Variants in TACR1 observed in about 807,000 individuals in gnomAD.
TACR1 encodes the protein tachykinin receptor 1.
TACR1 carries 25 observed loss-of-function variants against 35.8 expected under a neutral mutation model. The ratio of observed to expected loss-of-function variants is 0.70; its 90% CI spans 0.51 to 0.98. The LOEUF (loss-of-function observed/expected upper bound fraction) is 0.98, where lower values mean the gene tolerates loss of function less well. Ranked by LOEUF, TACR1 falls within the 50% of genes least tolerant of loss-of-function variation. TACR1 has a pLI of 0.00. For missense variants in TACR1, 478 were observed against 522.9 expected, an observed-to-expected ratio of 0.91 and a Z score of 0.84; for synonymous variants, 195 against 206.7, an observed-to-expected ratio of 0.94 and a Z score of 0.48.
At chr2:75,130,101 G>T (rs916665619) in intron 1 of TACR1, among the ~76,000 whole-genome samples, 4 of 152,184 alleles carry the variant, frequency 2.6e-5, no homozygotes, top group African/African-American at 7.2e-5. Context: ...TGCATTGTTT[G>T]ATATCTTAAT....
At chr2:75,065,303 G>A (rs1672742212) in intron 2 of TACR1, among the ~76,000 whole-genome samples, 1 of 152,156 alleles carries the variant, frequency 6.6e-6, no homozygotes, top group African/African-American at 2.4e-5. Flanking sequence ...AGTATGTGGG[G>A]TGTTTTGTTT....
At chr2:75,050,412 A>G (rs2103777431) in intron 4 of TACR1, among the ~76,000 whole-genome samples, 1 of 152,254 alleles carries the variant, frequency 6.6e-6, no homozygotes, top group Non-Finnish European at 1.5e-5. Flanking sequence ...CAGGCTGAGG[A>G]CTGATGGATA....
At chr2:75,160,725 G>A (rs1471155628) in intron 1 of TACR1, among the ~76,000 whole-genome samples, 1 of 138,888 alleles carries the variant, frequency 7.2e-6, no homozygotes, top group East Asian at 2.0e-4. Context: ...AGGGATTCCT[G>A]GACAGGAGAA....
chr2:75,154,344 C>T (rs558545202), intron 1 of TACR1: 26 of 152,008 alleles, frequency 1.7e-4, no homozygotes, highest in African/African-American at 5.9e-4. Context: ...TTGCTGAAGC[C>T]ACTCACTCCG....
intron 1 of TACR1, among the ~76,000 whole-genome samples, chr2:75,140,320 A>G (rs1674377393): frequency 6.6e-6 from 1 of 152,144 alleles, no homozygotes; most frequent in Non-Finnish European, 1.5e-5. Flanking sequence ...AAGTGGCAGA[A>G]AAGTTTTGTT....
At chr2:75,117,253 G>A (rs1331384530) in intron 2 of TACR1, among the ~76,000 whole-genome samples, 1 of 151,780 alleles carries the variant, frequency 6.6e-6, no homozygotes, top group Non-Finnish European at 1.5e-5. Flanking sequence ...TTTAGTAAAC[G>A]TTAGTTTAAC....
intron 1 of TACR1, among the ~76,000 whole-genome samples, chr2:75,127,669 T>C (rs920497325): frequency 2.6e-5 from 4 of 152,212 alleles, no homozygotes; most frequent in Non-Finnish European, 5.9e-5. Flanking sequence ...GATCAAACAG[T>C]GACCCATATT....
chr2:75,094,859 A>ATATATATATTT, intron 2 of TACR1, among the ~76,000 whole-genome samples: 9 of 113,134 alleles, frequency 8.0e-5, no homozygotes, highest in African/African-American at 4.3e-4. Context: ...ATATATATAT[A>ATATATATATTT]TTTTTTTTTT....
chr2:75,072,770 G>T (rs1261590217), intron 2 of TACR1, among the ~76,000 whole-genome samples: 1 of 152,182 alleles, frequency 6.6e-6, no homozygotes, highest in African/African-American at 2.4e-5. Flanking sequence ...GCACACATCT[G>T]GTGTCCTGGA....
intron 1 of TACR1, among the ~76,000 whole-genome samples, chr2:75,159,980 G>A (rs1431574401): frequency 1.3e-5 from 2 of 152,172 alleles, no homozygotes; most frequent in Non-Finnish European, 2.9e-5. Flanking sequence ...TGAAAAGATA[G>A]GCAGTGGGAC....
chr2:75,086,551 T>G (rs755904888), intron 2 of TACR1, among the ~76,000 whole-genome samples: 2 of 152,138 alleles, frequency 1.3e-5, no homozygotes, highest in African/African-American at 2.4e-5. Context: ...CCCAGTCCAT[T>G]GTACTATATC....
At chr2:75,052,586 A>G (rs964811533) in intron 3 of TACR1, among the ~76,000 whole-genome samples, 2 of 152,238 alleles carry the variant, frequency 1.3e-5, no homozygotes, top group Non-Finnish European at 2.9e-5. Flanking sequence ...AAAGCTCTTT[A>G]TATACTGATT....
chr2:75,176,572 G>C (rs1243762962), intron 1 of TACR1, among the ~76,000 whole-genome samples: 1 of 152,014 alleles, frequency 6.6e-6, no homozygotes, highest in Non-Finnish European at 1.5e-5. Context: ...GACTTTCCCA[G>C]AAGATTTCTG....
chr2:75,138,269 G>A (rs1467587256), intron 1 of TACR1, among the ~76,000 whole-genome samples: 1 of 152,186 alleles, frequency 6.6e-6, no homozygotes, highest in Non-Finnish European at 1.5e-5. Flanking sequence ...ACAGATTTTA[G>A]CATTGCTGCT....
At chr2:75,167,331 A>T (rs1359972794) in intron 1 of TACR1, among the ~76,000 whole-genome samples, 1 of 152,228 alleles carries the variant, frequency 6.6e-6, no homozygotes. Context: ...GGCCCAATAG[A>T]TCAGAAACAG....
chr2:75,082,617 C>T (rs972240611), intron 2 of TACR1, among the ~76,000 whole-genome samples: 4 of 152,218 alleles, frequency 2.6e-5, no homozygotes, highest in African/African-American at 9.6e-5. Context: ...GATTGCCATT[C>T]TAACTGGTGT....
At chr2:75,147,687 T>G (rs1674542488) in intron 1 of TACR1, among the ~76,000 whole-genome samples, 2 of 152,106 alleles carry the variant, frequency 1.3e-5, no homozygotes, top group Admixed American at 1.3e-4. Flanking sequence ...TGTGTTAGTT[T>G]GTTGAGGATG....
At chr2:75,151,144 A>T (rs1235185766) in intron 1 of TACR1, among the ~76,000 whole-genome samples, 6 of 152,216 alleles carry the variant, frequency 3.9e-5, no homozygotes, top group African/African-American at 1.4e-4. Flanking sequence ...TTGTAGTCTG[A>T]CTATGCGATA....
intron 2 of TACR1, among the ~76,000 whole-genome samples, chr2:75,102,522 A>G (rs1301259706): frequency 6.6e-6 from 1 of 152,120 alleles, no homozygotes; most frequent in African/African-American, 2.4e-5. Context: ...TTATGGGAAG[A>G]CTTACTATTT....
Sources: allele counts gnomAD v4.1 joint callset (sites outside exome capture counted in the v4.1 genomes callset), GRCh38; gene constraint gnomAD v4.1.1; transcripts MANE v1.5; gene names NCBI Gene and HGNC (gene_info 2026-07-23, HGNC 2026-07-21).